NCS1: variants seen among roughly 807,000 people sequenced by gnomAD.
NCS1 encodes the protein frequenin homolog.
In NCS1, 6 loss-of-function variants were observed where a neutral mutation model predicts 28.4. The observed-to-expected ratio is 0.21, with a 90% confidence interval of 0.12 to 0.42. The LOEUF (loss-of-function observed/expected upper bound fraction) is 0.42. NCS1 is among the 10% of genes least tolerant of loss of function. NCS1 has a pLI of 1.00. For synonymous variants in NCS1, 86 were observed against 99.3 expected (o/e 0.87, Z 0.79); for missense variants, 131 against 241.4 (o/e 0.54, Z 3.03).
intron 1 of NCS1, among the ~76,000 whole-genome samples, chr9:130,184,291 C>G (rs534899201): frequency 9.2e-5 from 14 of 152,112 alleles, no homozygotes; most frequent in Middle Eastern, 3.4e-3. Context: ...GTCTGGTGTC[C>G]GGGGCTCCTC....
At chr9:130,210,028 G>A (rs1035203643) in intron 2 of NCS1, among the ~76,000 whole-genome samples, 38 of 152,054 alleles carry the variant, frequency 2.5e-4, no homozygotes, top group African/African-American at 8.0e-4. Context: ...TAAACATCTC[G>A]GGCTGAGTTA....
At chr9:130,218,105 C>G (rs1157824348) in intron 3 of NCS1, 135 bp downstream of exon 3, 1 of 1,150,352 alleles carries the variant, frequency 8.7e-7, no homozygotes. Flanking sequence ...TACTGACATG[C>G]ACAGATACAT....
intron 2 of NCS1, among the ~76,000 whole-genome samples, chr9:130,210,072 C>T (rs1375364396): frequency 1.3e-5 from 2 of 152,020 alleles, no homozygotes; most frequent in African/African-American, 4.8e-5. Context: ...GGTCTTGGTA[C>T]GTCCCCGCCC....
intron 1 of NCS1, among the ~76,000 whole-genome samples, chr9:130,179,135 A>G (rs542870934): frequency 1.2e-3 from 181 of 151,068 alleles, no homozygotes; most frequent in African/African-American, 4.3e-3. Context: ...GTTTCACCAT[A>G]TTGGTCAGGC....
intron 1 of NCS1, among the ~76,000 whole-genome samples, chr9:130,190,191 A>G (rs1437919930): frequency 1.3e-5 from 2 of 152,140 alleles, no homozygotes; most frequent in Non-Finnish European, 2.9e-5. Context: ...TTCTGTGAGA[A>G]CACACATACA....
At chr9:130,208,136 A>T (rs2131141793) in intron 2 of NCS1, among the ~76,000 whole-genome samples, 1 of 145,702 alleles carries the variant, frequency 6.9e-6, no homozygotes. Flanking sequence ...ACACACCGTC[A>T]TCGGGCACCA....
rs905424873 is a variant in NCS1 at position 130,215,538 on chromosome 9, C to T, written c.90-2294C>T. ...ACGGATGCTGGGGTCGCACACTGGCCGGCAGGGCAGAGGACAGGAGAGGCA... is the reference window on the plus strand; with the variant it reads ...ACGGATGCTGGGGTCGCACACTGGCTGGCAGGGCAGAGGACAGGAGAGGCA... On this transcript the variant is annotated intron_variant, in intron 2 of 7. Transcript: ENST00000372398. The surrounding 1 kb of genome is among the most constrained non-coding windows in gnomAD (Gnocchi z 4.2). 3.9e-5 allele frequency among the ~76,000 whole-genome samples: 6 copies of T among 152,120 alleles called. No individual in the cohort carries two copies. The highest frequency in any genetic ancestry group is 1.2e-4 in the African/African-American group (5 of 41,434).
At chr9:130,222,942 C>T in intron 5 of NCS1, 140 bp from the exon 6 acceptor site, 1 of 808,746 alleles carries the variant, frequency 1.2e-6, no homozygotes, top group Non-Finnish European at 2.1e-6. Context: ...TGTTCCAGGG[C>T]ACAATGGCAG....
intron 1 of NCS1, among the ~76,000 whole-genome samples, chr9:130,187,050 G>A (rs537192203): frequency 6.6e-6 from 1 of 152,250 alleles, no homozygotes; most frequent in Admixed American, 6.5e-5. Context: ...GAGGCGGGGC[G>A]GGGGCGCGGG....
chr9:130,230,219 C>T (rs1411959092), intron 7 of NCS1, among the ~76,000 whole-genome samples: 6 of 152,046 alleles, frequency 3.9e-5, no homozygotes, highest in Admixed American at 1.3e-4. Flanking sequence ...GGTGTGGTGG[C>T]GGGCACCTGT....
rs1832849420 is a variant in NCS1 at position 130,194,174 on chromosome 9, C to T, written c.65-6784C>T. Among the ~76,000 whole-genome samples the T allele has an allele frequency of 5.3e-5, 8 of 152,346 alleles. No homozygotes were observed. The South Asian group carries it at 1.7e-3, about 32-fold the overall frequency. On this transcript the variant is annotated intron_variant, in intron 1 of 7. Coordinates refer to ENST00000372398, the MANE Select transcript of NCS1 (RefSeq NM_014286.4). ...CACCATGTTTGAGCTGAGCTTCAAT[C>T]AGGAGAGAGGTGTTTTGCTTTAGGG... is the stretch of plus-strand genomic sequence containing the variant.
chr9:130,175,062 C>G lies in NCS1; in HGVS notation c.64+2335C>G, dbSNP rs1262208951. ...GTTGGCCTGGGTACTTTTCCTCTGTCGAAGCCCTTATTAGGGGTGGGCCGT... is the reference window on the plus strand; with the variant it reads ...GTTGGCCTGGGTACTTTTCCTCTGTGGAAGCCCTTATTAGGGGTGGGCCGT... On this transcript the variant is annotated intron_variant, in intron 1 of 7. Coordinates refer to ENST00000372398, the MANE Select transcript of NCS1 (RefSeq NM_014286.4). This position sits in a 1 kb window ranked among gnomAD's most constrained non-coding sequence, Gnocchi z 4.9. 1.3e-5 allele frequency among the ~76,000 whole-genome samples: 2 copies of G among 152,146 alleles called. No individual in the cohort carries two copies. The highest frequency in any genetic ancestry group is 1.9e-4 in the East Asian group (1 of 5,176).
rs117873345 is a variant in NCS1 at position 130,176,083 on chromosome 9, C to T, written c.64+3356C>T. Among the ~76,000 whole-genome samples, 106 of 151,974 alleles carry T rather than the reference C, an allele frequency of 7.0e-4. 2 individuals carry two copies. In the East Asian group the frequency reaches 0.019, roughly 27 times the overall value. ...GTGCAGTGTGGGGCCTGATATGTGG[C>T]GTGGGGTATGTGGTCAGTAAATGCC... On this transcript the variant is annotated intron_variant, in intron 1 of 7. Coordinates refer to ENST00000372398, the MANE Select transcript of NCS1 (RefSeq NM_014286.4).
intron 1 of NCS1, among the ~76,000 whole-genome samples, chr9:130,193,357 G>A (rs567873461): frequency 1.5e-4 from 23 of 152,032 alleles, no homozygotes; most frequent in Non-Finnish European, 3.4e-4. Context: ...TGCAGGTGGG[G>A]ACTGGATGGG....
chr9:130,184,039 T>C (rs1832707331), intron 1 of NCS1, among the ~76,000 whole-genome samples: 1 of 152,114 alleles, frequency 6.6e-6, no homozygotes, highest in Admixed American at 6.6e-5. Context: ...CTCGATCTCC[T>C]GACCTCATTA....
At chr9:130,185,231 C>G (rs1312159616) in intron 1 of NCS1, among the ~76,000 whole-genome samples, 1 of 152,268 alleles carries the variant, frequency 6.6e-6, no homozygotes, top group Non-Finnish European at 1.5e-5. Context: ...TGAGGACCGA[C>G]TGCATCTTAT....
intron 1 of NCS1, among the ~76,000 whole-genome samples, chr9:130,197,800 TA>T (rs1183642745): frequency 2.6e-5 from 4 of 151,994 alleles, no homozygotes; most frequent in African/African-American, 9.7e-5. Context: ...TGTCTCTACC[TA>T]AAAATACAAA....
At chr9:130,220,551 G>C (rs1315121705) in intron 4 of NCS1, among the ~76,000 whole-genome samples, 1 of 152,036 alleles carries the variant, frequency 6.6e-6, no homozygotes, top group Non-Finnish European at 1.5e-5. Flanking sequence ...CCGCGTGTGC[G>C]AGGCCCAGTG....
chr9:130,200,842 G>C lies in NCS1; in HGVS notation c.65-116G>C, dbSNP rs1220798539. Reference sequence around the variant, plus strand: ...TCTCATCCAGAGCAGGCCGTTGCCCGGGGACATGGCCGTGGGGAGGGGAGG... The same window carrying C: ...TCTCATCCAGAGCAGGCCGTTGCCCCGGGACATGGCCGTGGGGAGGGGAGG... On this transcript the variant is annotated intron_variant, in intron 1 of 7. Transcript: ENST00000372398. The C allele has an allele frequency of 5.2e-5, 78 of 1,501,006 alleles. No individual in the cohort carries two copies. The East Asian group carries it at 1.7e-3, about 33-fold the overall frequency. 93.0% of individuals were successfully genotyped at this position (1,501,006 alleles called of 1,614,324 possible).
Sources: gnomAD v4.1 joint callset for allele counts (sites outside exome capture counted in the v4.1 genomes callset) on GRCh38, gnomAD v4.1.1 for gene constraint, Gnocchi (gnomAD v3.1) non-coding constraint, MANE v1.5 for transcripts, NCBI Gene and HGNC (gene_info 2026-07-23, HGNC 2026-07-21) for gene names.